MGAT1: variants seen among roughly 807,000 people sequenced by gnomAD.
MGAT1 encodes the protein N-glycosyl-oligosaccharide-glycoprotein N-acetylglucosaminyltransferase I.
MGAT1 carries 14 observed loss-of-function variants against 31.7 expected under a neutral mutation model. That is an observed-to-expected ratio of 0.44 (90% CI 0.29 to 0.69). The LOEUF is 0.69. Among genes scored for constraint, MGAT1 ranks in the 30% least tolerant of loss-of-function variants. The pLI is 0.12. For synonymous variants in MGAT1, 338 were observed against 276.0 expected, an observed-to-expected ratio of 1.22 and a Z score of -2.23; for missense variants, 557 against 626.0, an observed-to-expected ratio of 0.89 and a Z score of 1.18.
chr5:180,815,364 A>G (rs1238918972), intron 1 of MGAT1: 1 of 152,400 alleles, frequency 6.6e-6, no homozygotes, highest in Non-Finnish European at 1.5e-5. Flanking sequence ...CTCCAGGCCC[A>G]CATGTCCAAT....
At chr5:180,800,190 A>G (rs893626748) in intron 1 of MGAT1, among the ~76,000 whole-genome samples, 2 of 152,232 alleles carry the variant, frequency 1.3e-5, no homozygotes, top group African/African-American at 4.8e-5. Flanking sequence ...AAGCAGGGCA[A>G]GTGCCCTCCC....
chr5:180,807,799 G>A (rs982037797), upstream of MGAT1, among the ~76,000 whole-genome samples: 2 of 152,228 alleles, frequency 1.3e-5, no homozygotes, highest in Non-Finnish European at 2.9e-5. Flanking sequence ...AACACATTCA[G>A]GGGCAGGCTT....
rs562581404 is a variant in MGAT1 at position 180,802,234 on chromosome 5, C to G, written c.-127+446G>C. On this transcript the variant is annotated intron_variant, in intron 1 of 1. Transcript: ENST00000307826. ...CAAACAGGAAGAAAAGTTTTCTTGC[C>G]AACTTATTATATATATATTTCAACA... is the stretch of plus-strand genomic sequence containing the variant. Among the ~76,000 whole-genome samples, 640 of 152,250 alleles carry G rather than the reference C, an allele frequency of 4.2e-3. 4 individuals are homozygous for G. The highest frequency in any genetic ancestry group is 0.014 in the African/African-American group (582 of 41,552).
intron 1 of MGAT1, among the ~76,000 whole-genome samples, chr5:180,793,309 G>A (rs760153727): frequency 2.0e-5 from 3 of 152,114 alleles, no homozygotes; most frequent in African/African-American, 7.2e-5. Context: ...TGGAGGGAGA[G>A]AGAAAAAGAA....
At chr5:180,810,812 GT>G (rs1392645204) in intron 1 of MGAT1, 4 of 152,422 alleles carry the variant, frequency 2.6e-5, no homozygotes, top group African/African-American at 7.2e-5. Flanking sequence ...CATCGCTGCT[GT>G]TTCTCGCTGC....
At chr5:180,805,464 A>G (rs1005483382), upstream of MGAT1, among the ~76,000 whole-genome samples, 2 of 152,248 alleles carry the variant, frequency 1.3e-5, no homozygotes, top group African/African-American at 4.8e-5. Flanking sequence ...AGTAAAAGTA[A>G]AAGCAGGCTG....
intron 1 of MGAT1, chr5:180,795,886 A>C (rs568245192): frequency 8.2e-6 from 1 of 121,284 alleles, no homozygotes; most frequent in East Asian, 3.1e-4. Flanking sequence ...CTGGGAAGGA[A>C]CCAGGACACA....
intron 1 of MGAT1, among the ~76,000 whole-genome samples, chr5:180,812,600 C>T (rs1404829800): frequency 3.3e-5 from 5 of 152,042 alleles, no homozygotes; most frequent in African/African-American, 1.2e-4. Context: ...ATAACAGGTA[C>T]AAATTTCACA....
intron 1 of MGAT1, among the ~76,000 whole-genome samples, chr5:180,800,754 T>C (rs542100649): frequency 1.8e-4 from 28 of 152,314 alleles, no homozygotes; most frequent in Non-Finnish European, 3.4e-4. Context: ...AAGTGGACAA[T>C]GTCAAACTAT....
At position 180,791,962 on chromosome 5, in the gene MGAT1, T is replaced by C. The variant is rs764428566; in HGVS notation, c.1010A>G (p.Gln337Arg). ...QHLKFIKLNQQFVHFTQLDLS... is the reference protein window; with the variant it reads ...QHLKFIKLNQRFVHFTQLDLS... ...GTCCAGCTGGGTGAAGTGCACAAAC[T>C]GCTGGTTCAGCTTGATAAACTTGAG... Residue 337 changes from glutamine to arginine, a missense_variant, in exon 2 of 2, where the codon CAG becomes CGG. Physicochemically the swap from Gln to Arg is conservative, Grantham distance 43. Transcript: ENST00000307826. 1.2e-6 allele frequency: 2 copies of C among 1,614,192 alleles called. No homozygotes were observed. The highest frequency in any genetic ancestry group is 1.3e-5 in the African/African-American group (1 of 75,064).
Position 180,796,204 on chromosome 5 carries a change from T to A in MGAT1, c.-126-3107A>T, listed in dbSNP as rs141511290. Among the ~76,000 whole-genome samples the A allele has an allele frequency of 4.4e-3, 665 of 152,244 alleles. 5 individuals are homozygous for A. Among genetic ancestry groups the A allele is most frequent in the African/African-American group, 0.014 (600 of 41,522 alleles). Reference sequence around the variant, plus strand: ...ACCAGCAGATCTGGTATAAAAGGGCTGATCCTGAAGGGCCTCTAAAGAGAC... The same window carrying A: ...ACCAGCAGATCTGGTATAAAAGGGCAGATCCTGAAGGGCCTCTAAAGAGAC... On this transcript the variant is annotated intron_variant, in intron 1 of 1. Transcript: ENST00000307826.
At position 180,790,007 on chromosome 5, in the gene MGAT1, C is replaced by CT. The variant is rs1411620893; in HGVS notation, c.*1626dup. On this transcript the variant is annotated 3_prime_UTR_variant, in exon 2 of 2. Coordinates refer to ENST00000307826, the MANE Select transcript of MGAT1 (RefSeq NM_002406.4). ...GCACGTGATATGCAGAGGTAACAGT[C>CT]TGTCTGTGTTCTGGGTATTAGCAAA... 1.3e-5 allele frequency: 2 copies of CT among 152,204 alleles called. No homozygotes were observed. The highest frequency in any genetic ancestry group is 2.9e-5 in the Non-Finnish European group (2 of 68,048). 9.4% of individuals were successfully genotyped at this position (152,204 alleles called of 1,614,324 possible).
At chr5:180,813,719 CT>C (rs1265169092) in intron 1 of MGAT1, among the ~76,000 whole-genome samples, 1 of 152,174 alleles carries the variant, frequency 6.6e-6, no homozygotes, top group African/African-American at 2.4e-5. Context: ...TTGTCGGGCT[CT>C]TTATACCAGT....
rs1767641078 is a variant in MGAT1 at position 180,787,422 on chromosome 5, A to C, written c.*4212T>G. ...CCTGAAATCCCACGTTAGATATTTC[A>C]GAAAGAGGGCAAGCTTCTGTTCTAT... On this transcript the variant is annotated 3_prime_UTR_variant, in exon 2 of 2. Transcript: ENST00000307826. 1 of 152,266 alleles carries C rather than the reference A, an allele frequency of 6.6e-6. No individual in the cohort carries two copies. Among genetic ancestry groups the C allele is most frequent in the South Asian group, 2.1e-4 (1 of 4,836 alleles). The allele number at this position is 152,266 out of a possible 1,614,324, so 9.4% of individuals were successfully genotyped here.
upstream of MGAT1, among the ~76,000 whole-genome samples, chr5:180,806,237 G>A (rs973792247): frequency 3.3e-5 from 5 of 152,058 alleles, no homozygotes; most frequent in African/African-American, 1.2e-4. Context: ...AGTGAGCCGA[G>A]ATCGCACCAC....
exon 2 of MGAT1, chr5:180,808,650 TTCTTC>T (rs1772175047): frequency 6.6e-6 from 1 of 152,248 alleles, no homozygotes; most frequent in Admixed American, 6.5e-5. Flanking sequence ...AGCCTTACCT[TTCTTC>T]TCTTGTCTCA....
chr5:180,798,409 G>A (rs1207623814), intron 1 of MGAT1, among the ~76,000 whole-genome samples: 5 of 152,056 alleles, frequency 3.3e-5, no homozygotes, highest in South Asian at 4.1e-4. Context: ...CTTCCTTGAC[G>A]CCTGGGACCA....
rs1768083290 is a variant in MGAT1, at chr5:180,791,536, T to A, written c.*98A>T. ...GAAAAATCAAAAAGATAAATGCACC[T>A]AAGAGGGAAACACAGGCAGGCCGAT... On this transcript the variant is annotated 3_prime_UTR_variant, in exon 2 of 2. Coordinates refer to ENST00000307826, the MANE Select transcript of MGAT1 (RefSeq NM_002406.4). 16 of 1,432,212 alleles carry A rather than the reference T, an allele frequency of 1.1e-5. No individual in the cohort carries two copies. The South Asian group carries it at 2.0e-4, about 18-fold the overall frequency. 88.7% of individuals were successfully genotyped at this position (1,432,212 alleles called of 1,614,324 possible). A position where few individuals can be genotyped will look rare whatever the true frequency, so the allele number is the denominator to read the frequency against.
chr5:180,795,727 T>C (rs1769216380), intron 1 of MGAT1: 1 of 152,222 alleles, frequency 6.6e-6, no homozygotes, highest in Admixed American at 6.5e-5. Context: ...ATCAAATATG[T>C]AGATATTGCC....
Sources: allele counts gnomAD v4.1 joint callset (sites outside exome capture counted in the v4.1 genomes callset), GRCh38; gene constraint gnomAD v4.1.1; transcripts MANE v1.5; gene names NCBI Gene and HGNC (gene_info 2026-07-23, HGNC 2026-07-21).